Variants in KCNIP4 observed in about 807,000 individuals in gnomAD.
The protein encoded by KCNIP4 is Kv channel-interacting protein 4.
A neutral mutation model predicts 34.0 loss-of-function variants in KCNIP4; 12 were observed. The ratio of observed to expected loss-of-function variants is 0.35; its 90% CI spans 0.23 to 0.57. The LOEUF is 0.57. KCNIP4 is among the 20% of genes least tolerant of loss of function. The probability of loss-of-function intolerance (pLI) is 0.83; values close to 1 mark genes in which losing one functional copy is unlikely to be tolerated. For synonymous variants in KCNIP4, 124 were observed against 102.2 expected, an observed-to-expected ratio of 1.21 and a Z score of -1.29; for missense variants, 238 against 311.7, an observed-to-expected ratio of 0.76 and a Z score of 1.78.
In KCNIP4 at chr4:20,883,884, C is replaced by T. The variant is rs528121808; in HGVS notation, c.62-1175G>A. Among the ~76,000 whole-genome samples the T allele has an allele frequency of 3.7e-4, 57 of 152,132 alleles. 1 individual carries two copies. Among genetic ancestry groups the T allele is most frequent in the African/African-American group, 1.4e-3 (57 of 41,490 alleles). ...TAAGATCATTCCTCTGATTAAAAGCCCTCTAAAAGCTTCATGTTGTTTTTC... is the reference window on the plus strand; with the variant it reads ...TAAGATCATTCCTCTGATTAAAAGCTCTCTAAAAGCTTCATGTTGTTTTTC... On this transcript the variant is annotated intron_variant, in intron 1 of 8. Transcript: ENST00000382152.
chr4:21,479,930 T>A (rs1356247107), intron 1 of KCNIP4, among the ~76,000 whole-genome samples: 1 of 151,692 alleles, frequency 6.6e-6, no homozygotes. Flanking sequence ...ATATTAGGAA[T>A]GAGAAACCAA....
chr4:21,226,970 A>T (rs1333037654), intron 1 of KCNIP4, among the ~76,000 whole-genome samples: 1 of 152,230 alleles, frequency 6.6e-6, no homozygotes, highest in East Asian at 1.9e-4. Flanking sequence ...ATTCTCTGAA[A>T]TACAGCCTAG....
At chr4:21,757,767 C>T (rs1389107201) in intron 1 of KCNIP4, among the ~76,000 whole-genome samples, 2 of 152,180 alleles carry the variant, frequency 1.3e-5, no homozygotes, top group African/African-American at 2.4e-5. Flanking sequence ...GAATTTAAAT[C>T]TTGTCTACAA....
At chr4:21,653,188 G>A (rs984048297) in intron 1 of KCNIP4, among the ~76,000 whole-genome samples, 55 of 152,148 alleles carry the variant, frequency 3.6e-4, no homozygotes, top group Admixed American at 3.4e-3. Flanking sequence ...TGATTAGCCT[G>A]TTCATTGTTG....
chr4:20,849,744 G>C (rs1210575757), intron 3 of KCNIP4, among the ~76,000 whole-genome samples: 1 of 152,138 alleles, frequency 6.6e-6, no homozygotes, highest in Non-Finnish European at 1.5e-5. Context: ...TATGCTATTT[G>C]ATACATAAAC....
chr4:21,291,867 A>AAAAGAAAGAAAGAAAGAAAG (rs1211617062), intron 1 of KCNIP4, among the ~76,000 whole-genome samples: 2 of 51,114 alleles, frequency 3.9e-5, no homozygotes, highest in East Asian at 9.2e-4. Context: ...AAAAAAAAAA[A>AAAAGAAAGAAAGAAAGAAAG]AAAGAAAGAA....
At chr4:21,827,161 A>G (rs1295687790) in intron 1 of KCNIP4, among the ~76,000 whole-genome samples, 1 of 152,102 alleles carries the variant, frequency 6.6e-6, no homozygotes, top group Admixed American at 6.6e-5. Context: ...TTAAGAACAC[A>G]AAATAAATTC....
At chr4:21,892,958 ATCT>A (rs1243581970) in intron 1 of KCNIP4, among the ~76,000 whole-genome samples, 2 of 152,142 alleles carry the variant, frequency 1.3e-5, no homozygotes, top group Non-Finnish European at 2.9e-5. Flanking sequence ...TTTAGAAAAT[ATCT>A]TCTTATTTCA....
At chr4:21,797,183 T>C (rs2109245131) in intron 1 of KCNIP4, among the ~76,000 whole-genome samples, 2 of 152,358 alleles carry the variant, frequency 1.3e-5, no homozygotes, top group South Asian at 4.1e-4. Context: ...ACACAGTCTC[T>C]GTCACTCAGA....
At chr4:21,086,178 C>T (rs966415086) in intron 1 of KCNIP4, among the ~76,000 whole-genome samples, 1 of 152,074 alleles carries the variant, frequency 6.6e-6, no homozygotes, top group Non-Finnish European at 1.5e-5. Flanking sequence ...GAGTGCCTAA[C>T]GATTCTATAT....
At chr4:21,071,391 C>A (rs1273131037) in intron 1 of KCNIP4, among the ~76,000 whole-genome samples, 1 of 152,072 alleles carries the variant, frequency 6.6e-6, no homozygotes. Flanking sequence ...AACCTTTGAC[C>A]AAAGGTGGTT....
chr4:21,839,833 C>T (rs1037008715), intron 1 of KCNIP4, among the ~76,000 whole-genome samples: 1 of 152,038 alleles, frequency 6.6e-6, no homozygotes. Context: ...ATGCTGAACA[C>T]GGAATCAAGC....
chr4:21,347,054 T>C (rs890684769), intron 1 of KCNIP4, among the ~76,000 whole-genome samples: 2 of 152,186 alleles, frequency 1.3e-5, no homozygotes, highest in African/African-American at 4.8e-5. Flanking sequence ...ATTAAATGTT[T>C]AGTTCTGCAA....
chr4:20,970,761 G>A (rs759720873), intron 1 of KCNIP4, among the ~76,000 whole-genome samples: 1 of 152,186 alleles, frequency 6.6e-6, no homozygotes, highest in Non-Finnish European at 1.5e-5. Flanking sequence ...ATTAATTCAA[G>A]CCTGTTGTGC....
chr4:21,458,130 C>T (rs886745371), intron 1 of KCNIP4, among the ~76,000 whole-genome samples: 4 of 142,556 alleles, frequency 2.8e-5, no homozygotes, highest in African/African-American at 1.0e-4. Flanking sequence ...TCTCCCAATG[C>T]TATCCCTCCC....
chr4:20,802,107 A>G (rs1294580896), intron 3 of KCNIP4, among the ~76,000 whole-genome samples: 1 of 122,388 alleles, frequency 8.2e-6, no homozygotes, highest in Non-Finnish European at 1.6e-5. Context: ...TTGCATATAT[A>G]TATGCTATAT....
chr4:21,639,761 AT>A (rs1252267669), intron 1 of KCNIP4, among the ~76,000 whole-genome samples: 2 of 152,172 alleles, frequency 1.3e-5, no homozygotes, highest in Non-Finnish European at 2.9e-5. Context: ...AGAGTATCTT[AT>A]TCTAATTTAG....
intron 1 of KCNIP4, among the ~76,000 whole-genome samples, chr4:21,945,754 T>C (rs1730478012): frequency 6.6e-6 from 1 of 151,882 alleles, no homozygotes; most frequent in South Asian, 2.1e-4. Flanking sequence ...TCTCCCTCAG[T>C]CTCTCCACTG....
chr4:20,756,608 C>T (rs576308625), intron 4 of KCNIP4, among the ~76,000 whole-genome samples: 2 of 151,906 alleles, frequency 1.3e-5, no homozygotes, highest in African/African-American at 2.4e-5. Flanking sequence ...TTCTTCTCAT[C>T]GTCCTTTTCA....
Sources: gnomAD v4.1 joint callset for allele counts (sites outside exome capture counted in the v4.1 genomes callset) on GRCh38, gnomAD v4.1.1 for gene constraint, MANE v1.5 for transcripts, NCBI Gene and HGNC (gene_info 2026-07-23, HGNC 2026-07-21) for gene names.